Variants in ZNF594 observed in about 807,000 individuals in gnomAD.
The protein encoded by ZNF594 is zinc finger protein 594, also known as zinc finger protein HZF18.
For synonymous variants in ZNF594, 336 were observed against 309.4 expected (o/e 1.09, Z -0.90); for missense variants, 1,037 against 964.6 (o/e 1.08, Z -0.99).
In ZNF594 at chr17:5,179,963, CTGAAT is replaced by C. The variant is rs2074327592; in HGVS notation, c.*1865_*1869del. ...TTGGTGATTAAAAAGTTGGAAACCA[CTGAAT>C]TAAATTACCTTCAAATCCCTGTAAG... On this transcript the variant is annotated 3_prime_UTR_variant, in exon 2 of 2. Transcript: ENST00000575779. 6.6e-6 allele frequency: 1 copy of C among 151,944 alleles called. No homozygotes were observed. The highest frequency in any genetic ancestry group is 1.9e-4 in the East Asian group (1 of 5,170). The allele number at this position is 151,944 out of a possible 1,614,324, so 9.4% of individuals were successfully genotyped here.
chr17:5,174,691 A>C, downstream of ZNF594: 1 of 201,986 alleles, frequency 5.0e-6, no homozygotes. Flanking sequence ...AGGTAGCACA[A>C]TCTACTAATG....
At chr17:5,178,553 AG>A (rs1470053614), downstream of ZNF594, among the ~76,000 whole-genome samples, 3 of 152,230 alleles carry the variant, frequency 2.0e-5, no homozygotes, top group African/African-American at 7.2e-5. Context: ...CAATAAAAGA[AG>A]AAAATAAAGA....
At chr17:5,178,478 G>A (rs1170479807), downstream of ZNF594, among the ~76,000 whole-genome samples, 1 of 150,110 alleles carries the variant, frequency 6.7e-6, no homozygotes, top group Non-Finnish European at 1.5e-5. Flanking sequence ...AGGAATACAG[G>A]ATCACTGAAA....
In ZNF594 at chr17:5,180,823, T is replaced by G; in HGVS notation, c.*1010A>C. The stretch of plus-strand genomic sequence containing the variant: ...CGTTTGAAAAATCCAGTAGGTATTT[T>G]CTCTGCTTTCCCACCTTCCCATGGT... On this transcript the variant is annotated 3_prime_UTR_variant, in exon 2 of 2. Transcript: ENST00000575779. 2.5e-6 allele frequency: 1 copy of G among 394,624 alleles called. No individual in the cohort carries two copies. The highest frequency in any genetic ancestry group is 4.8e-6 in the Non-Finnish European group (1 of 209,624). The allele number at this position is 394,624 out of a possible 1,614,324, so 24.4% of individuals were successfully genotyped here.
chr17:5,190,238 C>T (rs2074412664), intron 1 of ZNF594, among the ~76,000 whole-genome samples: 2 of 152,100 alleles, frequency 1.3e-5, no homozygotes, highest in African/African-American at 2.4e-5. Context: ...CGTGGTGGCA[C>T]ATGCCTGTAG....
rs558492604 is a variant in ZNF594 at position 5,181,914 on chromosome 17, T to C, written c.2343A>G (p.Val781=). Residue 781 remains valine, a synonymous_variant, in exon 2 of 2, where the codon GTA becomes GTG. Transcript: ENST00000575779. ...CATATGGTTTCTCTCTTGTATGAGTTACCTGATGTCTGATGAGATCTGAGC... is the reference window on the plus strand; with the variant it reads ...CATATGGTTTCTCTCTTGTATGAGTCACCTGATGTCTGATGAGATCTGAGC... The part of the protein sequence containing the change: ...QGSSDLIRHQ[V]THTREKPYEC... The C allele has an allele frequency of 1.9e-6, 3 of 1,614,070 alleles. No individual in the cohort carries two copies. The East Asian group carries it at 6.7e-5, about 36-fold the overall frequency.
intron 1 of ZNF594, among the ~76,000 whole-genome samples, chr17:5,189,984 AAAATG>A (rs896266951): frequency 6.6e-5 from 10 of 152,264 alleles, no homozygotes; most frequent in African/African-American, 2.4e-4. Context: ...GAAATAATAA[AAAATG>A]AAATGAATAC....
At chr17:5,178,178 TA>T (rs143332678), downstream of ZNF594, among the ~76,000 whole-genome samples, 1 of 149,154 alleles carries the variant, frequency 6.7e-6, no homozygotes, top group South Asian at 2.1e-4. Context: ...ACAAATATTC[TA>T]AAAAAAACCA....
Position 5,183,113 on chromosome 17 carries a change from C to G in ZNF594, c.1144G>C (p.Gly382Arg). The G allele has an allele frequency of 1.2e-6, 2 of 1,614,084 alleles. No individual in the cohort carries two copies. Among genetic ancestry groups the G allele is most frequent in the Non-Finnish European group, 8.5e-7 (1 of 1,180,028 alleles). The change falls in exon 2 of 2, where the codon GGT becomes CGT. Residue 382 changes from glycine to arginine, a missense_variant. By Grantham distance (125) the Gly-to-Arg change is moderately radical (BLOSUM62 -2). Transcript: ENST00000575779. The stretch of plus-strand genomic sequence containing the variant: ...TCTGAGGTGCCCTGGAAATTCCTAC[C>G]ACACTGATTACACCAATAAGCTTTC... ...EEKAYWCNQCGRNFQGTSDLI... is the reference protein window; with the variant it reads ...EEKAYWCNQCRRNFQGTSDLI...
rs756950731 is a variant in ZNF594 at position 5,183,681 on chromosome 17, GAAGTC to G, written c.571_575del (p.Asp191GlnfsTer10). On this transcript the variant is annotated frameshift_variant, in exon 2 of 2. Coordinates refer to ENST00000575779, the MANE Select transcript of ZNF594 (RefSeq NM_032530.2). LOFTEE classifies it low-confidence loss of function (END_TRUNC). ...GTCTCACCAGATTGGAGCTCTGATT[GAAGTC>G]TTTTCCACATTCATGACATATATAA... The G allele has an allele frequency of 3.1e-6, 5 of 1,614,172 alleles. No individual in the cohort carries two copies. The South Asian group carries it at 5.5e-5, about 18-fold the overall frequency.
At chr17:5,176,008 GTTGT>G (rs977891022), downstream of ZNF594, among the ~76,000 whole-genome samples, 15 of 152,142 alleles carry the variant, frequency 9.9e-5, no homozygotes, top group Non-Finnish European at 1.5e-4. Context: ...TGTTTGTTTT[GTTGT>G]TTGTTTCTTT....
intron 1 of ZNF594, among the ~76,000 whole-genome samples, chr17:5,187,298 G>C (rs765375389): frequency 7.9e-5 from 12 of 152,314 alleles, no homozygotes; most frequent in Middle Eastern, 3.4e-3. Flanking sequence ...CAGATCTCAT[G>C]AGACTTATTC....
chr17:5,190,493 T>C (rs2144266115), intron 1 of ZNF594, among the ~76,000 whole-genome samples: 1 of 152,374 alleles, frequency 6.6e-6, no homozygotes, highest in East Asian at 1.9e-4. Context: ...CACTATTTCA[T>C]GCCCAGTTCT....
Position 5,182,338 on chromosome 17 carries a change from A to G in ZNF594, c.1919T>C (p.Ile640Thr), listed in dbSNP as rs142777409. Residue 640 changes from isoleucine (I) to threonine (T), a missense_variant, in exon 2 of 2, where the codon ATT (isoleucine) becomes ACT (threonine). Transcript: ENST00000575779. ...GKSFRGSSDL[I>T]KHHRIHTGEK... ...TCCAGTATGAATACGATGGTGTTTA[A>G]TAAGATCTGAGCTACCCCTAAAAGA... is the stretch of plus-strand genomic sequence containing the variant. 133 of 1,613,528 alleles carry G rather than the reference A, an allele frequency of 8.2e-5. No homozygotes were observed. The highest frequency in any genetic ancestry group is 1.1e-4 in the Non-Finnish European group (128 of 1,179,976).
chr17:5,182,926 C>T lies in ZNF594; in HGVS notation c.1331G>A (p.Ser444Asn). ...ACGATGGTGTCTAATAAGATCTGAG[C>T]TGCCCCTAAAAGATTTCCCACATTT... ...CSKCGKSFRG[S>N]SDLIRHHRVH... The change falls in exon 2 of 2, where the codon AGC becomes AAC. Residue 444 changes from serine (S) to asparagine (N), a missense_variant. Ser to Asn is a conservative substitution (Grantham distance 46, BLOSUM62 1). Transcript: ENST00000575779. 1 of 1,614,038 alleles carries T rather than the reference C, an allele frequency of 6.2e-7. No homozygotes were observed. The highest frequency in any genetic ancestry group is 8.5e-7 in the Non-Finnish European group (1 of 1,179,998).
rs756372803 is a variant in ZNF594, at chr17:5,183,827, T to C, written c.430A>G (p.Ile144Val). The change falls in exon 2 of 2, where the codon ATA (isoleucine) becomes GTA (valine). Residue 144 changes from isoleucine (I) to valine (V), a missense_variant. Coordinates refer to ENST00000575779, the MANE Select transcript of ZNF594 (RefSeq NM_032530.2). Reference sequence around the variant, plus strand: ...TTTCCTGTATGAATTCTCTGATGTATGATCAGGTTTGAACTCCTGTTGAAG... The same window carrying C: ...TTTCCTGTATGAATTCTCTGATGTACGATCAGGTTTGAACTCCTGTTGAAG... ...KTFNRSSNLI[I>V]HQRIHTGNKP... The C allele has an allele frequency of 1.2e-5, 19 of 1,614,060 alleles. No individual in the cohort carries two copies. Among genetic ancestry groups the C allele is most frequent in the Non-Finnish European group, 1.5e-5 (18 of 1,180,040 alleles).
intron 1 of ZNF594, among the ~76,000 whole-genome samples, chr17:5,187,892 T>C (rs2074395961): frequency 6.7e-6 from 1 of 150,160 alleles, no homozygotes; most frequent in East Asian, 1.9e-4. Flanking sequence ...ATTTCCTTTT[T>C]TTTTTTTTTT....
chr17:5,176,032 C>T (rs180811423), downstream of ZNF594, among the ~76,000 whole-genome samples: 1 of 152,298 alleles, frequency 6.6e-6, no homozygotes, highest in Admixed American at 6.5e-5. Flanking sequence ...TACCTCCTTG[C>T]TACACCGACG....
chr17:5,178,498 T>C (rs1463918742), downstream of ZNF594, among the ~76,000 whole-genome samples: 6 of 152,102 alleles, frequency 3.9e-5, no homozygotes, highest in Non-Finnish European at 7.4e-5. Flanking sequence ...ACCTGTTCCC[T>C]GGAATCAGAA....
Sources: allele counts gnomAD v4.1 joint callset (sites outside exome capture counted in the v4.1 genomes callset), GRCh38; gene constraint gnomAD v4.1.1; transcripts MANE v1.5; gene names NCBI Gene and HGNC (gene_info 2026-07-23, HGNC 2026-07-21).